Variants in SLC22A2 observed in about 807,000 individuals in gnomAD.
The protein encoded by SLC22A2 is solute carrier family 22 member 2.
A neutral mutation model predicts 60.5 loss-of-function variants in SLC22A2; 46 were observed. The observed-to-expected ratio is 0.76, with a 90% confidence interval of 0.60 to 0.97. The LOEUF (loss-of-function observed/expected upper bound fraction) is 0.97. SLC22A2 is among the 50% of genes least tolerant of loss of function. SLC22A2 has a pLI of 0.00. For missense variants in SLC22A2, 701 were observed against 706.6 expected, an observed-to-expected ratio of 0.99 and a Z score of 0.09; for synonymous variants, 303 against 267.0, an observed-to-expected ratio of 1.13 and a Z score of -1.31.
intron 9 of SLC22A2, among the ~76,000 whole-genome samples, chr6:160,232,685 C>G (rs1233796280): frequency 1.3e-5 from 2 of 151,848 alleles, no homozygotes; most frequent in East Asian, 1.9e-4. Flanking sequence ...TGCTTATGCT[C>G]ATAAGGTAGC....
chr6:160,224,652 G>C, intron 10 of SLC22A2, 53 bp downstream of exon 10: 2 of 1,087,798 alleles, frequency 1.8e-6, no homozygotes, highest in Non-Finnish European at 2.7e-6. Context: ...ATGGCTATAG[G>C]GTTGTCTTAA....
intron 10 of SLC22A2, among the ~76,000 whole-genome samples, chr6:160,219,621 G>A (rs1387850215): frequency 2.7e-5 from 4 of 147,828 alleles, no homozygotes; most frequent in African/African-American, 1.0e-4. Context: ...TTTTCCAGTT[G>A]TCAGTGGGGT....
chr6:160,225,986 T>C (rs548809801), intron 9 of SLC22A2, among the ~76,000 whole-genome samples: 4 of 152,322 alleles, frequency 2.6e-5, no homozygotes, highest in Admixed American at 2.0e-4. Context: ...GGGGACTAGG[T>C]TGCCTTTGTA....
chr6:160,242,043 A>G (rs919174649), intron 8 of SLC22A2, among the ~76,000 whole-genome samples: 4 of 152,020 alleles, frequency 2.6e-5, no homozygotes, highest in Non-Finnish European at 2.9e-5. Context: ...TTCCACAACA[A>G]TCTCCCCTGT....
At chr6:160,224,865 A>G in intron 9 of SLC22A2, 61 bp from the exon 10 acceptor site, 1 of 979,116 alleles carries the variant, frequency 1.0e-6, no homozygotes, top group Non-Finnish European at 1.5e-6. Context: ...CTATAATTAG[A>G]GTTTCCCTTA....
intron 6 of SLC22A2, chr6:160,245,122 T>G (rs1441459767): frequency 5.7e-6 from 1 of 176,400 alleles, no homozygotes; most frequent in Non-Finnish European, 1.2e-5. Context: ...ATTAAAAAAC[T>G]ATTGGTTTCC....
Position 160,242,384 on chromosome 6 carries a change from A to C in SLC22A2, c.1298T>G (p.Ile433Ser), listed in dbSNP as rs1164968075. The change falls in exon 8 of 11, where the codon ATT becomes AGT. Residue 433 changes from isoleucine (I) to serine (S), a missense_variant. Coordinates refer to ENST00000366953, the MANE Select transcript of SLC22A2 (RefSeq NM_003058.4). Reference sequence around the variant, plus strand: ...CATTCTTCCCAAGCATGAGATAATAATTTTTAGCCATTGTAGATCTAAGAG... The same window carrying C: ...CATTCTTCCCAAGCATGAGATAATACTTTTTAGCCATTGTAGATCTAAGAG... ...FIPGDLQWLK[I>S]IISCLGRMGI... The C allele has an allele frequency of 6.3e-7, 1 of 1,593,160 alleles. No individual in the cohort carries two copies.
In SLC22A2 at chr6:160,247,084, T is replaced by G. The variant is rs1254648042; in HGVS notation, c.957+100A>C. On this transcript the variant is annotated intron_variant, in intron 5 of 10. Transcript: ENST00000366953. ...GTAAGCCAAAATGCAAGGGGGTGGG[T>G]GCTTCCATGGTTCCCTGCTGAGATC... is the stretch of plus-strand genomic sequence containing the variant. The G allele has an allele frequency of 4.3e-6, 3 of 696,794 alleles. No individual in the cohort carries two copies. In the African/African-American group the frequency reaches 5.3e-5, roughly 12 times the overall value. The allele number at this position is 696,794 out of a possible 1,614,324, so 43.2% of individuals were successfully genotyped here.
Position 160,245,490 on chromosome 6 carries a change from A to C in SLC22A2, c.1013T>G (p.Leu338Trp). The C allele has an allele frequency of 1.2e-6, 2 of 1,611,024 alleles. No individual in the cohort carries two copies. Among genetic ancestry groups the C allele is most frequent in the South Asian group, 1.1e-5 (1 of 90,294 alleles). The change falls in exon 6 of 11, where the codon TTG (leucine) becomes TGG (tryptophan). Residue 338 changes from leucine (L) to tryptophan (W), a missense_variant. By Grantham distance (61) the Leu-to-Trp change is moderately conservative. Transcript: ENST00000366953. The stretch of plus-strand genomic sequence containing the variant: ...TTTCCTTATCTGAGGAGTTCTGACC[A>C]AGTCAAGAAATGAAGGGTTCAATTT... ...GKKLNPSFLD[L>W]VRTPQIRKHT...
chr6:160,228,048 GCAGCCCT>G (rs1465288440), intron 9 of SLC22A2, among the ~76,000 whole-genome samples: 2 of 152,228 alleles, frequency 1.3e-5, no homozygotes, highest in African/African-American at 4.8e-5. Context: ...TGGGCAACTA[GCAGCCCT>G]CAGGGCTGCT....
intron 9 of SLC22A2, among the ~76,000 whole-genome samples, chr6:160,230,276 G>A (rs1782799285): frequency 6.6e-6 from 1 of 151,862 alleles, no homozygotes; most frequent in Non-Finnish European, 1.5e-5. Context: ...CACCTGCCCA[G>A]CAATTTCCTC....
At chr6:160,257,255 T>C (rs548859160) in intron 1 of SLC22A2, among the ~76,000 whole-genome samples, 94 of 152,136 alleles carry the variant, frequency 6.2e-4, no homozygotes, top group Non-Finnish European at 1.3e-3. Context: ...CACCAGGAGG[T>C]TGGGCCATTT....
At chr6:160,232,895 T>G (rs315979) in intron 9 of SLC22A2, among the ~76,000 whole-genome samples, 106,505 of 151,676 alleles carry the variant, frequency 0.7, 39,375 homozygotes, top group Admixed American at 0.82. Flanking sequence ...AATGGTTCTT[T>G]GACCAAGGAT....
Position 160,256,667 on chromosome 6 carries a change from T to G in SLC22A2, c.465A>C (p.Ser155=). ...NSWMLDLFQS[S]VNVGFFIGSM... is the part of the protein sequence containing the mutation. ...AGCCAATAAAGAATCCTACATTCAC[T>G]GATGACTGGAATAGGTCCAACATCC... Residue 155 remains serine (S), a synonymous_variant, in exon 2 of 11, where the codon TCA becomes TCC. Coordinates refer to ENST00000366953, the MANE Select transcript of SLC22A2 (RefSeq NM_003058.4). 1.9e-6 allele frequency: 3 copies of G among 1,614,132 alleles called. No homozygotes were observed. Among genetic ancestry groups the G allele is most frequent in the Non-Finnish European group, 2.5e-6 (3 of 1,179,988 alleles).
intron 9 of SLC22A2, among the ~76,000 whole-genome samples, chr6:160,231,042 G>A (rs1485208876): frequency 6.6e-6 from 1 of 151,738 alleles, no homozygotes; most frequent in African/African-American, 2.4e-5. Flanking sequence ...TATGGTGGAG[G>A]GTAAGTCCGT....
rs370003669 is a variant in SLC22A2, at chr6:160,258,800, G to C, written c.-43C>G. On this transcript the variant is annotated 5_prime_UTR_variant, in exon 1 of 11. Coordinates refer to ENST00000366953, the MANE Select transcript of SLC22A2 (RefSeq NM_003058.4). ...GGCCCGAGGCTGCCCGACGTGCCCG[G>C]AGCGAGGCTGAGAGCGGCTGCAGCC... is the stretch of plus-strand genomic sequence containing the variant. 4.0e-6 allele frequency: 6 copies of C among 1,500,842 alleles called. No homozygotes were observed. In the Admixed American group the frequency reaches 1.4e-4, roughly 35 times the overall value. 93.0% of individuals were successfully genotyped at this position (1,500,842 alleles called of 1,614,324 possible).
At chr6:160,229,163 C>T (rs1409430501) in intron 9 of SLC22A2, among the ~76,000 whole-genome samples, 2 of 151,896 alleles carry the variant, frequency 1.3e-5, no homozygotes, top group African/African-American at 4.9e-5. Context: ...CTCAGACTAA[C>T]CAGCCCAAGG....
Position 160,256,712 on chromosome 6 carries a change from G to T in SLC22A2, c.420C>A (p.Asn140Lys). Residue 140 changes from asparagine (N) to lysine (K), a missense_variant, in exon 2 of 11, where the codon AAC becomes AAA. Coordinates refer to ENST00000366953, the MANE Select transcript of SLC22A2 (RefSeq NM_003058.4). ...ACATCCAGGAGTTGGCACATACCAG[G>T]TTAAACTGCCAGCAGGGGAGAAGTG... ...TPGSSIVTEF[N>K]LVCANSWMLD... is the part of the protein sequence containing the mutation. 6.2e-7 allele frequency: 1 copy of T among 1,610,566 alleles called. No individual in the cohort carries two copies.
At position 160,250,654 on chromosome 6, in the gene SLC22A2, T is replaced by C; in HGVS notation, c.567A>G (p.Ala189=). 1 of 1,614,130 alleles carries C rather than the reference T, an allele frequency of 6.2e-7. No individual in the cohort carries two copies. The highest frequency in any genetic ancestry group is 8.5e-7 in the Non-Finnish European group (1 of 1,179,966). Residue 189 remains alanine, a synonymous_variant, in exon 3 of 11, where the codon GCA becomes GCG. Transcript: ENST00000366953. The part of the protein sequence containing the change: ...CLLTTVLINA[A]AGVLMAISPT... ...GGGAAATGGCCATGAGAACTCCAGC[T>C]GCAGCATTTATGAGGACTGTAGTTA...
Sources: allele counts gnomAD v4.1 joint callset (sites outside exome capture counted in the v4.1 genomes callset), GRCh38; gene constraint gnomAD v4.1.1; transcripts MANE v1.5; gene names NCBI Gene and HGNC (gene_info 2026-07-23, HGNC 2026-07-21).